The following HTR2C variants were observed in gnomAD, a reference collection of about 807,000 sequenced individuals.
HTR2C encodes the protein 5-hydroxytryptamine receptor 2C.
A neutral mutation model predicts 21.0 loss-of-function variants in HTR2C; 5 were observed. The ratio of observed to expected loss-of-function variants is 0.24; its 90% CI spans 0.12 to 0.50. The LOEUF (loss-of-function observed/expected upper bound fraction) is 0.50. HTR2C is among the 20% of genes least tolerant of loss of function. The pLI is 0.98. For synonymous variants in HTR2C, 150 were observed against 145.3 expected (o/e 1.03, Z -0.23); for missense variants, 271 against 371.2 (o/e 0.73, Z 2.22).
intron 5 of HTR2C, among the ~76,000 whole-genome samples, chrX:114,861,372 A>T (rs782745023): frequency 7.2e-5 from 8 of 110,965 alleles, no homozygotes; most frequent in Non-Finnish European, 1.5e-4. Context: ...TTAGGGCTGA[A>T]CAGTATTCCA....
chrX:114,892,470 C>T (rs1237460650), intron 5 of HTR2C, among the ~76,000 whole-genome samples: 1 of 111,652 alleles, frequency 9.0e-6, no homozygotes, highest in Non-Finnish European at 1.9e-5. Context: ...AAAGAAAACA[C>T]AACTTTTTTA....
chrX:114,600,205 G>A (rs782659850), intron 1 of HTR2C, among the ~76,000 whole-genome samples: 8 of 112,188 alleles, frequency 7.1e-5, no homozygotes, highest in Non-Finnish European at 9.4e-5. Context: ...CTAATAAGGC[G>A]TTGAGCCAAG....
chrX:114,734,593 G>T (rs6655336), intron 4 of HTR2C, among the ~76,000 whole-genome samples: 4 of 50,017 alleles, frequency 8.0e-5, no homozygotes, highest in East Asian at 1.2e-3. Flanking sequence ...AAAAAAAAAA[G>T]ACAAAACAAA....
chrX:114,899,799 A>T (rs944204059), intron 5 of HTR2C, among the ~76,000 whole-genome samples: 2 of 108,078 alleles, frequency 1.9e-5, no homozygotes, highest in African/African-American at 7.2e-5. Flanking sequence ...CGTGGACTGT[A>T]GCTGCTTCTA....
Position 114,627,935 on chromosome X carries a change from C to G in HTR2C, c.-80+14054C>G, listed in dbSNP as rs1311017132. ...TCTGCTTTCTAAAGAGTGCAGTGCCCAGTAGCTCATCCTCACAGGCTTGAA... is the reference window on the plus strand; with the variant it reads ...TCTGCTTTCTAAAGAGTGCAGTGCCGAGTAGCTCATCCTCACAGGCTTGAA... On this transcript the variant is annotated intron_variant, in intron 2 of 5. Transcript: ENST00000276198. 1.3e-4 allele frequency among the ~76,000 whole-genome samples: 15 copies of G among 111,436 alleles called. No homozygotes were observed. The Admixed American group carries it at 1.4e-3, about 11-fold the overall frequency.
intron 2 of HTR2C, among the ~76,000 whole-genome samples, chrX:114,676,719 T>C (rs1351838090): frequency 2.7e-5 from 3 of 112,678 alleles, no homozygotes; most frequent in Admixed American, 9.4e-5. Flanking sequence ...TATTGCTCTA[T>C]GACACTCTTT....
chrX:114,745,559 C>A (rs1305419793), intron 4 of HTR2C, among the ~76,000 whole-genome samples: 2 of 111,907 alleles, frequency 1.8e-5, no homozygotes, highest in Non-Finnish European at 3.8e-5. Flanking sequence ...CCTAAATGTC[C>A]ACCAACAGAT....
intron 4 of HTR2C, among the ~76,000 whole-genome samples, chrX:114,756,015 G>A (rs2147372293): frequency 9.0e-6 from 1 of 110,505 alleles, no homozygotes; most frequent in South Asian, 3.9e-4. Context: ...GGAGGCTGAG[G>A]CAGGAGGATT....
chrX:114,736,569 G>A (rs868971363), intron 4 of HTR2C, among the ~76,000 whole-genome samples: 57 of 111,646 alleles, frequency 5.1e-4, no homozygotes, highest in African/African-American at 1.7e-3. Context: ...ATCTAAAAAC[G>A]GTGGAAGAAT....
chrX:114,873,940 C>T (rs2071111702), intron 5 of HTR2C, among the ~76,000 whole-genome samples: 1 of 110,646 alleles, frequency 9.0e-6, no homozygotes, highest in African/African-American at 3.3e-5. Flanking sequence ...TTTCCCCAAC[C>T]CCCAACCCCA....
chrX:114,783,162 AAAAT>A (rs1437279085), intron 4 of HTR2C, among the ~76,000 whole-genome samples: 1 of 111,836 alleles, frequency 8.9e-6, no homozygotes, highest in Non-Finnish European at 1.9e-5. Flanking sequence ...ATAACAAAAT[AAAAT>A]AAACATAATA....
intron 1 of HTR2C, among the ~76,000 whole-genome samples, chrX:114,604,681 C>G (rs1928317629): frequency 9.0e-6 from 1 of 110,992 alleles, no homozygotes; most frequent in Admixed American, 9.5e-5. Context: ...TCAGTGGGGT[C>G]CCACACAGAT....
chrX:114,588,300 C>T, intron 1 of HTR2C, among the ~76,000 whole-genome samples: 2 of 111,957 alleles, frequency 1.8e-5, no homozygotes, highest in South Asian at 7.4e-4. Flanking sequence ...TCAGGAATTT[C>T]CCTCTTTCAT....
rs144336185 is a variant in HTR2C at position 114,597,449 on chromosome X, G to A, written c.-147+12790G>A. ...AAAATGAAGACATTATATAGTGAAG[G>A]ACTAAATTGTGTACCACATAAAAAT... On this transcript the variant is annotated intron_variant, in intron 1 of 5. Transcript: ENST00000276198. Among the ~76,000 whole-genome samples, 486 of 111,154 alleles carry A rather than the reference G, an allele frequency of 4.4e-3. 1 individual carries two copies. Among genetic ancestry groups the A allele is most frequent in the Middle Eastern group, 9.3e-3 (2 of 216 alleles).
chrX:114,735,193 C>T (rs145918845), intron 4 of HTR2C, among the ~76,000 whole-genome samples: 3,246 of 110,262 alleles, frequency 0.029, 123 homozygotes, highest in African/African-American at 0.1. Context: ...GCTGCCTGCC[C>T]GTAATCTCAG....
intron 1 of HTR2C, among the ~76,000 whole-genome samples, chrX:114,587,509 T>C (rs782014936): frequency 1.8e-5 from 2 of 112,242 alleles, no homozygotes; most frequent in Non-Finnish European, 1.9e-5. Flanking sequence ...GTTAATAATA[T>C]ATTATTGTGA....
intron 2 of HTR2C, among the ~76,000 whole-genome samples, chrX:114,665,769 G>A (rs1424907406): frequency 9.0e-6 from 1 of 111,063 alleles, no homozygotes; most frequent in Admixed American, 9.6e-5. Context: ...AGTTGGTCTC[G>A]CTGTCTCAGG....
At chrX:114,870,528 A>C (rs782646536) in intron 5 of HTR2C, among the ~76,000 whole-genome samples, 3 of 111,541 alleles carry the variant, frequency 2.7e-5, no homozygotes, top group African/African-American at 9.8e-5. Context: ...GGTAGAATTT[A>C]TCTGTGAAGC....
chrX:114,719,040 ATAT>A (rs1214006354), intron 2 of HTR2C, among the ~76,000 whole-genome samples: 11 of 103,749 alleles, frequency 1.1e-4, no homozygotes, highest in African/African-American at 2.7e-4. Flanking sequence ...TAATATAATA[ATAT>A]TAATAATATA....
Sources: allele counts gnomAD v4.1 joint callset (sites outside exome capture counted in the v4.1 genomes callset), GRCh38; gene constraint gnomAD v4.1.1; transcripts MANE v1.5; gene names NCBI Gene and HGNC (gene_info 2026-07-23, HGNC 2026-07-21).